SUSD4: variants seen among roughly 807,000 people sequenced by gnomAD.
The protein encoded by SUSD4 is sushi domain containing 4.
A neutral mutation model predicts 50.5 loss-of-function variants in SUSD4; 41 were observed. The observed-to-expected ratio is 0.81, with a 90% CI of 0.63 to 1.05. The LOEUF (loss-of-function observed/expected upper bound fraction) is 1.05. Ranked by LOEUF, SUSD4 falls within the 50% of genes least tolerant of loss-of-function variation. The probability of loss-of-function intolerance (pLI) is 0.00; values close to 1 mark genes in which losing one functional copy is unlikely to be tolerated. For synonymous variants in SUSD4, 257 were observed against 257.3 expected (o/e 1.00, Z 0.01); for missense variants, 580 against 634.7 (o/e 0.91, Z 0.93).
At chr1:223,279,186 C>A (rs935264485) in intron 3 of SUSD4, among the ~76,000 whole-genome samples, 1 of 152,214 alleles carries the variant, frequency 6.6e-6, no homozygotes, top group Non-Finnish European at 1.5e-5. Context: ...CAAAGGAACG[C>A]AGCTCCTTGC....
Position 223,227,505 on chromosome 1 carries a change from C to A in SUSD4, c.1061+89G>T, listed in dbSNP as rs1357824007. 7.9e-6 allele frequency: 12 copies of A among 1,519,100 alleles called. No individual in the cohort carries two copies. The highest frequency in any genetic ancestry group is 1.1e-5 in the Non-Finnish European group (12 of 1,120,804). 94.1% of individuals were successfully genotyped at this position (1,519,100 alleles called of 1,614,324 possible). ...CCCCTGTTTCCCTTTAGAGCTTCAACTTTTCACTCATCACTTTCTCCCTCT... is the reference window on the plus strand; with the variant it reads ...CCCCTGTTTCCCTTTAGAGCTTCAAATTTTCACTCATCACTTTCTCCCTCT... On this transcript the variant is annotated intron_variant, in intron 7 of 8. Transcript: ENST00000366878. The surrounding 1 kb of genome is among the most constrained non-coding windows in gnomAD (Gnocchi z 4.5).
At chr1:223,282,736 C>G (rs1039873290) in intron 3 of SUSD4, among the ~76,000 whole-genome samples, 1 of 152,184 alleles carries the variant, frequency 6.6e-6, no homozygotes, top group Admixed American at 6.6e-5. Context: ...TTGGAAAAAA[C>G]TACTTTAAAG....
At chr1:223,361,159 G>A (rs1018839829) in intron 2 of SUSD4, among the ~76,000 whole-genome samples, 7 of 152,192 alleles carry the variant, frequency 4.6e-5, no homozygotes, top group Non-Finnish European at 1.0e-4. Context: ...GAGCTAAGGT[G>A]TATTTGCTTT....
chr1:223,222,188 C>T lies in SUSD4; in HGVS notation c.*4G>A. 6.2e-7 allele frequency: 1 copy of T among 1,613,428 alleles called. No homozygotes were observed. Among genetic ancestry groups the T allele is most frequent in the Non-Finnish European group, 8.5e-7 (1 of 1,179,694 alleles). ...CAGGAGAGTCATCTGGATCTTGACC[C>T]ATATTAGGGATCTTCTTCCATTAGA... is the stretch of plus-strand genomic sequence containing the variant. On this transcript the variant is annotated 3_prime_UTR_variant, in exon 9 of 9. Transcript: ENST00000366878.
intron 5 of SUSD4, chr1:223,264,046 T>C (rs748656074): frequency 1.0e-6 from 1 of 985,452 alleles, no homozygotes. Flanking sequence ...GCTTTTCCCC[T>C]GCAGACACTG....
intron 2 of SUSD4, among the ~76,000 whole-genome samples, 167 bp downstream of exon 2, chr1:223,363,111 G>A (rs1277370259): frequency 1.3e-5 from 2 of 152,176 alleles, no homozygotes; most frequent in Non-Finnish European, 2.9e-5. Flanking sequence ...GAACTCCAGC[G>A]GTTTCGGAGA....
chr1:223,318,686 C>T (rs941549011), intron 2 of SUSD4, among the ~76,000 whole-genome samples: 5 of 150,990 alleles, frequency 3.3e-5, no homozygotes, highest in African/African-American at 4.9e-5. Flanking sequence ...ATGTCCTTCG[C>T]CCACTTTTTG....
intron 5 of SUSD4, among the ~76,000 whole-genome samples, chr1:223,238,124 T>G (rs1261083056): frequency 6.6e-6 from 1 of 152,060 alleles, no homozygotes; most frequent in Non-Finnish European, 1.5e-5. Flanking sequence ...TTATCAAATA[T>G]GTGAGCATAC....
chr1:223,263,914 C>T (rs1662297405), intron 5 of SUSD4: 1 of 985,404 alleles, frequency 1.0e-6, no homozygotes, highest in Non-Finnish European at 1.2e-6. Flanking sequence ...CCCCTCCTAC[C>T]CACTATACTC....
intron 2 of SUSD4, among the ~76,000 whole-genome samples, chr1:223,316,108 G>A (rs1255736806): frequency 6.6e-6 from 1 of 152,178 alleles, no homozygotes; most frequent in East Asian, 1.9e-4. Flanking sequence ...AGGTGATCAA[G>A]GATGCAGAGA....
At chr1:223,290,249 C>G (rs1664401505) in intron 3 of SUSD4, among the ~76,000 whole-genome samples, 1 of 152,172 alleles carries the variant, frequency 6.6e-6, no homozygotes, top group African/African-American at 2.4e-5. Flanking sequence ...AGAAAAAAGA[C>G]ATTCTGAAAG....
intron 2 of SUSD4, among the ~76,000 whole-genome samples, chr1:223,308,544 C>A (rs1665686435): frequency 6.6e-6 from 1 of 151,978 alleles, no homozygotes; most frequent in South Asian, 2.1e-4. Context: ...GTGAGAATGG[C>A]CTAATACATT....
intron 2 of SUSD4, among the ~76,000 whole-genome samples, chr1:223,350,059 G>T (rs1321442315): frequency 2.0e-5 from 3 of 152,200 alleles, no homozygotes; most frequent in African/African-American, 7.2e-5. Context: ...CAGCAAGAAG[G>T]CAGCTGTCTG....
rs964198336 is a variant in SUSD4, at chr1:223,229,145, A to T, written c.916+52T>A. 6.6e-7 allele frequency: 1 copy of T among 1,522,354 alleles called. No individual in the cohort carries two copies. The highest frequency in any genetic ancestry group is 9.0e-7 in the Non-Finnish European group (1 of 1,114,730). 94.3% of individuals were successfully genotyped at this position (1,522,354 alleles called of 1,614,324 possible). On this transcript the variant is annotated intron_variant, in intron 6 of 8. Coordinates refer to ENST00000366878, the MANE Select transcript of SUSD4 (RefSeq NM_017982.4). This position sits in a 1 kb window ranked among gnomAD's most constrained non-coding sequence, Gnocchi z 4.7. ...TACATAACCACCACCCACTATGTGC[A>T]GATGGTCCAAGGAGGGTCCATCTCC... is the stretch of plus-strand genomic sequence containing the variant.
At chr1:223,286,694 C>T (rs756302797) in intron 3 of SUSD4, among the ~76,000 whole-genome samples, 1 of 152,182 alleles carries the variant, frequency 6.6e-6, no homozygotes, top group Non-Finnish European at 1.5e-5. Context: ...ATCGGGCCTC[C>T]CTTTCATGGA....
intron 2 of SUSD4, among the ~76,000 whole-genome samples, chr1:223,353,778 A>G (rs1295487021): frequency 6.6e-6 from 1 of 152,100 alleles, no homozygotes; most frequent in East Asian, 1.9e-4. Context: ...CCTGGCCACC[A>G]TCACTGCAGT....
At chr1:223,267,846 C>T (rs1043335692) in intron 4 of SUSD4, among the ~76,000 whole-genome samples, 20 of 151,498 alleles carry the variant, frequency 1.3e-4, no homozygotes, top group Admixed American at 3.3e-4. Context: ...CGAAGTCACA[C>T]GTCAAAAAAT....
chr1:223,242,895 G>A (rs1354769483), intron 5 of SUSD4, among the ~76,000 whole-genome samples: 1 of 152,168 alleles, frequency 6.6e-6, no homozygotes. Context: ...GAAAGCATCT[G>A]CCAGTTGTCT....
Position 223,223,467 on chromosome 1 carries a change from T to C in SUSD4, c.1226A>G (p.Gln409Arg). Residue 409 changes from glutamine to arginine, a missense_variant, in exon 8 of 9, where the codon CAG (glutamine) becomes CGG (arginine). Gln to Arg is a conservative substitution (Grantham distance 43). Transcript: ENST00000366878. ...TGAGCCGGGGTATGCTGGGGGGCTC[T>C]GGTCGTCCACGGGTAAGGGGCAGCC... The part of the protein sequence containing the change: ...GQGCPLPVDD[Q>R]SPPAYPGSGD... 6.2e-7 allele frequency: 1 copy of C among 1,613,972 alleles called. No homozygotes were observed. The highest frequency in any genetic ancestry group is 8.5e-7 in the Non-Finnish European group (1 of 1,179,942).
Sources: allele counts gnomAD v4.1 joint callset (sites outside exome capture counted in the v4.1 genomes callset), GRCh38; gene constraint gnomAD v4.1.1; non-coding constraint Gnocchi (gnomAD v3.1); transcripts MANE v1.5; gene names NCBI Gene and HGNC (gene_info 2026-07-23, HGNC 2026-07-21).